Variants in LMNTD1 observed in about 807,000 individuals in gnomAD.
LMNTD1 encodes the protein lamin tail domain-containing protein 1.
A neutral mutation model predicts 50.9 loss-of-function variants in LMNTD1; 35 were observed. The ratio of observed to expected loss-of-function variants is 0.69; its 90% CI spans 0.53 to 0.91. LMNTD1 has a LOEUF of 0.91. Among genes scored for constraint, LMNTD1 ranks in the 40% least tolerant of loss-of-function variants. LMNTD1 has a pLI of 0.00. For synonymous variants in LMNTD1, 153 were observed against 161.9 expected, an observed-to-expected ratio of 0.94 and a Z score of 0.42; for missense variants, 470 against 475.5, an observed-to-expected ratio of 0.99 and a Z score of 0.11.
At chr12:25,562,317 G>A (rs961209535) in intron 1 of LMNTD1, among the ~76,000 whole-genome samples, 3 of 152,188 alleles carry the variant, frequency 2.0e-5, no homozygotes, top group African/African-American at 7.2e-5. Context: ...AAGAGCTCTT[G>A]TAAGGGAGGC....
intron 1 of LMNTD1, among the ~76,000 whole-genome samples, chr12:25,566,393 G>T (rs774709862): frequency 1.1e-4 from 17 of 152,066 alleles, no homozygotes; most frequent in Admixed American, 2.0e-4. Flanking sequence ...CCACGTTTTC[G>T]CAAGTGCCAA....
At chr12:25,616,979 A>T (rs1466861431) in intron 1 of LMNTD1, among the ~76,000 whole-genome samples, 2 of 152,204 alleles carry the variant, frequency 1.3e-5, no homozygotes, top group African/African-American at 2.4e-5. Flanking sequence ...AGGATGAAGT[A>T]TACTGTATGT....
Position 25,480,002 on chromosome 12 carries a change from T to C in LMNTD1, c.*23-3542A>G, listed in dbSNP as rs1213170569. On this transcript the variant is annotated intron_variant, in intron 9 of 9. Coordinates refer to ENST00000458174, the MANE Select transcript of LMNTD1 (RefSeq NM_001145728.2). ...CATGACAACTTTGTTCACAGGACCA[T>C]TGGGCAATGACAGGGGTGGCTGGGG... Among the ~76,000 whole-genome samples, 4 of 152,258 alleles carry C rather than the reference T, an allele frequency of 2.6e-5. No homozygotes were observed. The East Asian group carries it at 5.8e-4, about 22-fold the overall frequency.
intron 4 of LMNTD1, among the ~76,000 whole-genome samples, chr12:25,542,526 T>A (rs11048104): frequency 0.68 from 96,264 of 140,904 alleles, 32,552 homozygotes; most frequent in Admixed American, 0.75. Context: ...AACAATGAGA[T>A]CACATGGACA....
chr12:25,612,193 C>G (rs10505963), intron 1 of LMNTD1, among the ~76,000 whole-genome samples: 6,641 of 152,072 alleles, frequency 0.044, 192 homozygotes, highest in South Asian at 0.12. Flanking sequence ...TTTAGATTAA[C>G]TCAAATGCTT....
intron 1 of LMNTD1, among the ~76,000 whole-genome samples, chr12:25,589,772 T>C (rs1945641500): frequency 1.3e-5 from 2 of 152,184 alleles, no homozygotes; most frequent in Admixed American, 1.3e-4. Flanking sequence ...CTTTCTTGTC[T>C]ATAAACTAGG....
intron 3 of LMNTD1, among the ~76,000 whole-genome samples, chr12:25,547,870 T>C (rs572951062): frequency 3.3e-5 from 5 of 151,890 alleles, no homozygotes; most frequent in Admixed American, 1.3e-4. Context: ...AGTGAACCTA[T>C]ACATCTATCT....
chr12:25,526,775 T>G lies in LMNTD1; in HGVS notation c.672A>C (p.Thr224=). 2 of 1,603,558 alleles carry G rather than the reference T, an allele frequency of 1.2e-6. No homozygotes were observed. The highest frequency in any genetic ancestry group is 1.7e-6 in the Non-Finnish European group (2 of 1,173,306). ...TTTATACTCTTATACTCACTGTTAC[T>G]GTGGAATTTGCCTGCATTACGATGT... ...LPNIVMQANS[T]VTVWAAASEA... Residue 224 remains threonine (T), a synonymous_variant, in exon 5 of 10, where the codon ACA becomes ACC. Coordinates refer to ENST00000458174, the MANE Select transcript of LMNTD1 (RefSeq NM_001145728.2).
intron 4 of LMNTD1, among the ~76,000 whole-genome samples, chr12:25,528,108 T>C (rs1355574437): frequency 1.3e-5 from 2 of 152,264 alleles, no homozygotes; most frequent in Middle Eastern, 3.4e-3. Context: ...GAAGGCATTG[T>C]GGACTAATAG....
At chr12:25,626,782 CAT>C (rs1374990174) in intron 1 of LMNTD1, among the ~76,000 whole-genome samples, 3 of 152,160 alleles carry the variant, frequency 2.0e-5, no homozygotes, top group Non-Finnish European at 4.4e-5. Flanking sequence ...GCAGAATAAA[CAT>C]AAAGATTGCT....
intron 4 of LMNTD1, among the ~76,000 whole-genome samples, chr12:25,527,416 T>C (rs895430785): frequency 6.6e-6 from 1 of 151,414 alleles, no homozygotes; most frequent in African/African-American, 2.4e-5. Flanking sequence ...CATAGGATGG[T>C]GTTTTTCACC....
At chr12:25,615,216 G>A (rs1217215937) in intron 1 of LMNTD1, among the ~76,000 whole-genome samples, 1 of 152,140 alleles carries the variant, frequency 6.6e-6, no homozygotes, top group East Asian at 1.9e-4. Flanking sequence ...CAGAAGATGA[G>A]GTCATTGTGG....
chr12:25,595,827 T>C (rs965209059), intron 1 of LMNTD1, among the ~76,000 whole-genome samples: 1 of 151,812 alleles, frequency 6.6e-6, no homozygotes, highest in Admixed American at 6.6e-5. Flanking sequence ...AAAACAAAAA[T>C]TGATAGATCA....
rs1198245584 is a variant in LMNTD1, at chr12:25,513,253, A to G, written c.1189+5542T>C. ...GCCATGCTCATTGGAACTATCTCGC[A>G]TTATTGCCAATGCAATAATGCAAGA... On this transcript the variant is annotated intron_variant, in intron 8 of 9. Transcript: ENST00000458174. Among the ~76,000 whole-genome samples the G allele has an allele frequency of 2.0e-5, 3 of 152,360 alleles. No homozygotes were observed. The East Asian group carries it at 5.8e-4, about 29-fold the overall frequency.
At chr12:25,551,187 A>C (rs1490306657) in intron 2 of LMNTD1, among the ~76,000 whole-genome samples, 1 of 152,230 alleles carries the variant, frequency 6.6e-6, no homozygotes, top group South Asian at 2.1e-4. Context: ...TCTGGGCTTC[A>C]TAACAGACTG....
chr12:25,528,985 C>T (rs1942022739), intron 4 of LMNTD1, among the ~76,000 whole-genome samples: 1 of 152,104 alleles, frequency 6.6e-6, no homozygotes, highest in African/African-American at 2.4e-5. Flanking sequence ...AATTAATCAC[C>T]TCTTATTTAC....
At chr12:25,542,122 T>C (rs1233829009) in intron 4 of LMNTD1, among the ~76,000 whole-genome samples, 1 of 149,692 alleles carries the variant, frequency 6.7e-6, no homozygotes, top group African/African-American at 2.4e-5. Context: ...ACACTGTTGG[T>C]GGGACTGTAA....
At chr12:25,597,564 C>A (rs1398008069) in intron 1 of LMNTD1, among the ~76,000 whole-genome samples, 1 of 151,984 alleles carries the variant, frequency 6.6e-6, no homozygotes, top group Admixed American at 6.6e-5. Context: ...GAGATTTCAC[C>A]CCACTTTCAA....
chr12:25,500,165 T>C lies in LMNTD1; in HGVS notation c.*22+3573A>G, dbSNP rs556882099. ...AGAAACATATTATCAGTGCAGAGAT[T>C]GAAGGAATATGCCACAAAGTAGAGA... is the stretch of plus-strand genomic sequence containing the variant. On this transcript the variant is annotated intron_variant, in intron 9 of 9. Coordinates refer to ENST00000458174, the MANE Select transcript of LMNTD1 (RefSeq NM_001145728.2). Among the ~76,000 whole-genome samples, 37 of 152,248 alleles carry C rather than the reference T, an allele frequency of 2.4e-4. No homozygotes were observed. The South Asian group carries it at 2.7e-3, about 11-fold the overall frequency.
Sources: allele counts gnomAD v4.1 joint callset (sites outside exome capture counted in the v4.1 genomes callset), GRCh38; gene constraint gnomAD v4.1.1; transcripts MANE v1.5; gene names NCBI Gene and HGNC (gene_info 2026-07-23, HGNC 2026-07-21).